KCNIP2: variants seen among roughly 807,000 people sequenced by gnomAD.
KCNIP2 encodes the protein A-type potassium channel modulatory protein KCNIP2.
A neutral mutation model predicts 39.0 loss-of-function variants in KCNIP2; 19 were observed. The ratio of observed to expected loss-of-function variants is 0.49; its 90% confidence interval spans 0.34 to 0.71. The LOEUF (loss-of-function observed/expected upper bound fraction) is 0.71. Among genes scored for constraint, KCNIP2 ranks in the 30% least tolerant of loss-of-function variants. The pLI is 0.01. For synonymous variants in KCNIP2, 111 were observed against 131.2 expected (o/e 0.85, Z 1.05); for missense variants, 261 against 346.0 (o/e 0.75, Z 1.95).
intron 1 of KCNIP2, among the ~76,000 whole-genome samples, chr10:101,836,753 G>A (rs1327866563): frequency 6.6e-6 from 1 of 152,084 alleles, no homozygotes; most frequent in Non-Finnish European, 1.5e-5. Flanking sequence ...ACGAGGTCAG[G>A]AGTTTGAGAC....
intron 1 of KCNIP2, chr10:101,834,411 T>TA (rs890317869): frequency 5.0e-6 from 2 of 399,006 alleles, no homozygotes; most frequent in Non-Finnish European, 8.8e-6. Flanking sequence ...CAGGTTCAGA[T>TA]ACGCCGGTTC....
rs151131105 is a variant in KCNIP2, at chr10:101,828,219, C to G, written c.529G>C (p.Val177Leu). The G allele has an allele frequency of 9.2e-4, 1,479 of 1,614,172 alleles. No individual in the cohort carries two copies. The highest frequency in any genetic ancestry group is 1.2e-3 in the Non-Finnish European group (1,377 of 1,180,034). ...AAGGCCCAATTAAGCCTGTCATCTACAGTTCCCCGAAGAATCACGGACAAA... is the reference window on the plus strand; with the variant it reads ...AAGGCCCAATTAAGCCTGTCATCTAGAGTTCCCCGAAGAATCACGGACAAA... ...AGLSVILRGT[V>L]DDRLNWAFNL... Residue 177 changes from valine (V) to leucine (L), a missense_variant, in exon 7 of 10, where the codon GTA becomes CTA. Coordinates refer to ENST00000356640, the MANE Select transcript of KCNIP2 (RefSeq NM_173191.3). The surrounding 1 kb of genome is among the most constrained non-coding windows in gnomAD (Gnocchi z 6.6).
chr10:101,840,855 GC>G, intron 1 of KCNIP2, among the ~76,000 whole-genome samples: 1 of 152,248 alleles, frequency 6.6e-6, no homozygotes, highest in South Asian at 2.1e-4. Context: ...GGGCGCCCCC[GC>G]CCCGGCAACA....
chr10:101,827,156 C>T lies in KCNIP2; in HGVS notation c.*197G>A, dbSNP rs1301197344. On this transcript the variant is annotated 3_prime_UTR_variant, in exon 10 of 10. Transcript: ENST00000356640. ...GAGCTGGTGGGAGTTGGGAACACCC[C>T]CCGAGATGCACTCTGCCCACTCTCT... The T allele has an allele frequency of 7.9e-7, 1 of 1,262,354 alleles. No homozygotes were observed. Among genetic ancestry groups the T allele is most frequent in the South Asian group, 3.1e-5 (1 of 32,038 alleles). The allele number at this position is 1,262,354 out of a possible 1,614,324, so 78.2% of individuals were successfully genotyped here.
chr10:101,834,563 C>CACCTCT (rs1554842731), intron 1 of KCNIP2, among the ~76,000 whole-genome samples: 4 of 152,232 alleles, frequency 2.6e-5, no homozygotes, highest in Non-Finnish European at 4.4e-5. Context: ...CCACAGCCGC[C>CACCTCT]GCCTCTTCCT....
intron 1 of KCNIP2, among the ~76,000 whole-genome samples, chr10:101,831,901 G>C (rs2066004106): frequency 1.3e-5 from 2 of 152,112 alleles, no homozygotes; most frequent in Non-Finnish European, 2.9e-5. Flanking sequence ...ATCATACTGT[G>C]ACCTGGGTCC....
chr10:101,842,336 T>C (rs1449310763), intron 1 of KCNIP2, among the ~76,000 whole-genome samples: 2 of 152,266 alleles, frequency 1.3e-5, no homozygotes, highest in Admixed American at 6.5e-5. Flanking sequence ...ACAGATGTAC[T>C]GGCCTCACAT....
chr10:101,832,997 A>AC (rs1374940360), intron 1 of KCNIP2, among the ~76,000 whole-genome samples: 2 of 152,014 alleles, frequency 1.3e-5, no homozygotes, highest in Admixed American at 1.3e-4. Context: ...TCCCCACTCC[A>AC]CCCCAATAAA....
In KCNIP2 at chr10:101,828,561, C is replaced by T; in HGVS notation, c.418+66G>A. 6.2e-7 allele frequency: 1 copy of T among 1,601,216 alleles called. No homozygotes were observed. The highest frequency in any genetic ancestry group is 2.2e-5 in the East Asian group (1 of 44,770). ...CATCACCTTGGCATTCCCAGCTCCT[C>T]CAGAATCCCTCCCTCCCTCAGCCTA... On this transcript the variant is annotated intron_variant, in intron 5 of 9. Transcript: ENST00000356640. This position sits in a 1 kb window ranked among gnomAD's most constrained non-coding sequence, Gnocchi z 6.6.
At chr10:101,839,986 T>C in intron 1 of KCNIP2, 1 of 571,528 alleles carries the variant, frequency 1.7e-6, no homozygotes, top group East Asian at 4.7e-5. Flanking sequence ...CCTTCCCATG[T>C]TCTCCTGGCC....
chr10:101,841,642 T>C (rs72844667), intron 1 of KCNIP2, among the ~76,000 whole-genome samples: 3 of 152,268 alleles, frequency 2.0e-5, no homozygotes, highest in Non-Finnish European at 4.4e-5. Flanking sequence ...ACATTCCCTT[T>C]TACAGATGAG....
In KCNIP2 at chr10:101,829,771, A is replaced by G. The variant is rs570628954; in HGVS notation, c.223+73T>C. The G allele has an allele frequency of 4.4e-3, 184 of 42,140 alleles. 2 individuals are homozygous for G. Among genetic ancestry groups the G allele is most frequent in the Non-Finnish European group, 2.0e-3 (48 of 24,306 alleles). The allele number at this position is 42,140 out of a possible 1,614,324, so 2.6% of individuals were successfully genotyped here. A position where few individuals can be genotyped will look rare whatever the true frequency, so the allele number is the denominator to read the frequency against. ...GCCCCGCCCCCAACGTCCAGCCCCC[A>G]GGCAAGTGCCCCCCACCCCAAGATG... is the stretch of plus-strand genomic sequence containing the variant. On this transcript the variant is annotated intron_variant, in intron 3 of 9. Coordinates refer to ENST00000356640, the MANE Select transcript of KCNIP2 (RefSeq NM_173191.3).
At position 101,828,169 on chromosome 10, in the gene KCNIP2, G is replaced by C. The variant is rs369988905; in HGVS notation, c.579C>G (p.Asp193Glu). The C allele has an allele frequency of 2.5e-6, 4 of 1,613,852 alleles. No homozygotes were observed. The stretch of plus-strand genomic sequence containing the variant: ...CCTGCACCTCCTTGGTGATGCAGCC[G>C]TCCTTGTTAAGGTCATACAGGTTGA... ...WAFNLYDLNK[D>E]GCITKEEMLD... The change falls in exon 7 of 10, where the codon GAC (aspartate) becomes GAG (glutamate). Residue 193 changes from aspartate (D) to glutamate (E), a missense_variant. Transcript: ENST00000356640. The surrounding 1 kb of genome is among the most constrained non-coding windows in gnomAD (Gnocchi z 6.6).
chr10:101,841,008 T>C (rs1383972431), intron 1 of KCNIP2, among the ~76,000 whole-genome samples: 2 of 152,240 alleles, frequency 1.3e-5, no homozygotes, highest in Admixed American at 1.3e-4. Flanking sequence ...AAACGCGGCC[T>C]TTCCCCTCGG....
Position 101,831,124 on chromosome 10 carries a change from G to C in KCNIP2, c.117C>G (p.Phe39Leu). The part of the protein sequence containing the change: ...GPTKKALKQR[F>L]LKLLPCCGPQ... ...GCCCGCAGCACGGCAGCAGCTTGAG[G>C]AATCGCTGCTTCAGCGCTTTTTTAG... is the stretch of plus-strand genomic sequence containing the variant. The change falls in exon 2 of 10, where the codon TTC becomes TTG. Residue 39 changes from phenylalanine to leucine, a missense_variant. Phe to Leu is a conservative substitution (Grantham distance 22, BLOSUM62 0). Coordinates refer to ENST00000356640, the MANE Select transcript of KCNIP2 (RefSeq NM_173191.3). 6.2e-7 allele frequency: 1 copy of C among 1,613,192 alleles called. No homozygotes were observed. The highest frequency in any genetic ancestry group is 8.5e-7 in the Non-Finnish European group (1 of 1,179,744).
At chr10:101,830,328 C>A in intron 2 of KCNIP2, 1 of 1,141,772 alleles carries the variant, frequency 8.8e-7, no homozygotes. Flanking sequence ...CCATCCTCTA[C>A]ACCTGTCACC....
chr10:101,829,247 C>T (rs781367848), intron 3 of KCNIP2, 48 bp from the exon 4 acceptor site: 11 of 1,565,176 alleles, frequency 7.0e-6, no homozygotes, highest in Non-Finnish European at 9.5e-6. Context: ...GCCTCCGCGA[C>T]CCCTCTTCAA....
intron 9 of KCNIP2, 130 bp from the exon 10 acceptor site, chr10:101,827,530 G>T: frequency 7.8e-7 from 1 of 1,287,764 alleles, no homozygotes; most frequent in Non-Finnish European, 1.1e-6. Flanking sequence ...TGCCCAGAGA[G>T]ACCTGAGGTA....
intron 1 of KCNIP2, among the ~76,000 whole-genome samples, chr10:101,834,904 CTCTTA>C (rs2066105447): frequency 6.6e-6 from 1 of 152,192 alleles, no homozygotes; most frequent in African/African-American, 2.4e-5. Flanking sequence ...CATATGTCTC[CTCTTA>C]TGTGTGTCTT....
Sources: gnomAD v4.1 joint callset for allele counts (sites outside exome capture counted in the v4.1 genomes callset) on GRCh38, gnomAD v4.1.1 for gene constraint, Gnocchi (gnomAD v3.1) non-coding constraint, MANE v1.5 for transcripts, NCBI Gene and HGNC (gene_info 2026-07-23, HGNC 2026-07-21) for gene names.